Variants in MAGI2 observed in about 807,000 individuals in gnomAD.
MAGI2 encodes membrane-associated guanylate kinase, WW and PDZ domain-containing protein 2.
Under a neutral mutation model 133.3 loss-of-function variants are expected in MAGI2, and 35 were observed. The observed-to-expected ratio is 0.26, with a 90% CI of 0.20 to 0.35. The LOEUF (loss-of-function observed/expected upper bound fraction) is 0.35, where lower values mean the gene tolerates loss of function less well. Among genes scored for constraint, MAGI2 ranks in the 10% least tolerant of loss-of-function variants. The pLI, the probability that MAGI2 is intolerant of heterozygous loss-of-function variation, is 1.00. For synonymous variants in MAGI2, 729 were observed against 710.6 expected, an observed-to-expected ratio of 1.03 and a Z score of -0.41; for missense variants, 1,636 against 1,863.4, an observed-to-expected ratio of 0.88 and a Z score of 2.25.
At chr7:78,443,637 A>G (rs1279577565) in intron 6 of MAGI2, among the ~76,000 whole-genome samples, 2 of 152,090 alleles carry the variant, frequency 1.3e-5, no homozygotes. Flanking sequence ...TCTCTTTTCT[A>G]GAGGAAAATC....
At chr7:78,953,456 A>G (rs1362912544) in intron 2 of MAGI2, among the ~76,000 whole-genome samples, 1 of 152,132 alleles carries the variant, frequency 6.6e-6, no homozygotes, top group African/African-American at 2.4e-5. Context: ...TGTATGAAAT[A>G]GAGTTAAATG....
chr7:78,170,581 A>G (rs1366021539), intron 14 of MAGI2: 1 of 152,206 alleles, frequency 6.6e-6, no homozygotes, highest in Non-Finnish European at 1.5e-5. Flanking sequence ...AATCATAAAT[A>G]TAATAAATGT....
chr7:78,227,051 T>G (rs1227370510), intron 10 of MAGI2, among the ~76,000 whole-genome samples: 1 of 152,242 alleles, frequency 6.6e-6, no homozygotes, highest in African/African-American at 2.4e-5. Context: ...AAGAAAAGTT[T>G]AGGGCATAAA....
Position 78,042,527 on chromosome 7 carries a change from G to A in MAGI2, c.3707-22551C>T, listed in dbSNP as rs142326908. On this transcript the variant is annotated intron_variant, in intron 21 of 21. Transcript: ENST00000354212. ...TAAGTCTGGCCTGTGAAGTCAAACT[G>A]CCCAGCTTCTAGTCCTTGATCGTGC... 3.3e-3 allele frequency among the ~76,000 whole-genome samples: 510 copies of A among 152,252 alleles called. 3 individuals carry two copies. Among genetic ancestry groups the A allele is most frequent in the African/African-American group, 0.012 (491 of 41,542 alleles).
At position 78,767,965 on chromosome 7, in the gene MAGI2, T is replaced by G. The variant is rs543579392; in HGVS notation, c.419-140726A>C. On this transcript the variant is annotated intron_variant, in intron 2 of 21. Transcript: ENST00000354212. Reference sequence around the variant, plus strand: ...CTGCGAAAATTTTGTTATTTCTGGATGTTCTCATTTCTCCCTTGATGGTTT... The same window carrying G: ...CTGCGAAAATTTTGTTATTTCTGGAGGTTCTCATTTCTCCCTTGATGGTTT... Among the ~76,000 whole-genome samples the G allele has an allele frequency of 7.9e-5, 12 of 152,360 alleles. No homozygotes were observed. In the South Asian group the frequency reaches 2.3e-3, roughly 29 times the overall value.
chr7:78,056,675 G>A (rs183131046), intron 21 of MAGI2, among the ~76,000 whole-genome samples: 4 of 152,084 alleles, frequency 2.6e-5, no homozygotes, highest in Non-Finnish European at 5.9e-5. Flanking sequence ...TCAGGGCTTG[G>A]GGGGAAGGAG....
chr7:78,690,101 GA>G (rs1172871738), intron 2 of MAGI2, among the ~76,000 whole-genome samples: 3 of 151,806 alleles, frequency 2.0e-5, no homozygotes, highest in Admixed American at 6.6e-5. Flanking sequence ...CATTTTCTTA[GA>G]AAAAAATCCC....
intron 9 of MAGI2, among the ~76,000 whole-genome samples, chr7:78,309,157 T>A (rs1223801018): frequency 6.6e-6 from 1 of 152,172 alleles, no homozygotes; most frequent in African/African-American, 2.4e-5. Context: ...AAAACAGAGC[T>A]ACTATTTGAC....
At chr7:78,523,021 G>A (rs1361971568) in intron 3 of MAGI2, among the ~76,000 whole-genome samples, 1 of 152,086 alleles carries the variant, frequency 6.6e-6, no homozygotes, top group African/African-American at 2.4e-5. Flanking sequence ...ATAGGAGAAA[G>A]CACTGCAATG....
At position 79,213,347 on chromosome 7, in the gene MAGI2, CACAT is replaced by C. The variant is rs1354292342; in HGVS notation, c.302-206145_302-206142del. On this transcript the variant is annotated intron_variant, in intron 1 of 21. Transcript: ENST00000354212. The stretch of plus-strand genomic sequence containing the variant: ...ACGTACACACACACACACACACACA[CACAT>C]ATATTTTTTCTTTTTTGAGATGGAG... 2.4e-3 allele frequency among the ~76,000 whole-genome samples: 348 copies of C among 147,150 alleles called. 9 individuals are homozygous for C. The highest frequency in any genetic ancestry group is 9.1e-3 in the African/African-American group (335 of 36,982).
chr7:78,444,450 C>T (rs1352935862), intron 6 of MAGI2, among the ~76,000 whole-genome samples: 1 of 151,980 alleles, frequency 6.6e-6, no homozygotes, highest in Non-Finnish European at 1.5e-5. Flanking sequence ...CACACTCATA[C>T]CCAGCAATCT....
intron 2 of MAGI2, among the ~76,000 whole-genome samples, chr7:78,704,479 T>C (rs144803817): frequency 1.3e-5 from 2 of 152,208 alleles, no homozygotes; most frequent in African/African-American, 2.4e-5. Flanking sequence ...AAGGGTAAAA[T>C]AGTTCAAGCA....
chr7:79,048,864 T>C (rs984439451), intron 1 of MAGI2, among the ~76,000 whole-genome samples: 5 of 152,198 alleles, frequency 3.3e-5, no homozygotes, highest in Non-Finnish European at 5.9e-5. Flanking sequence ...GGTGCATGCC[T>C]GTAATCCCAG....
intron 6 of MAGI2, among the ~76,000 whole-genome samples, chr7:78,460,511 C>T (rs903574421): frequency 3.3e-5 from 5 of 152,162 alleles, no homozygotes; most frequent in Non-Finnish European, 4.4e-5. Flanking sequence ...TATACACACA[C>T]GGTATGGCAG....
At chr7:79,199,484 A>G (rs1205189020) in intron 1 of MAGI2, among the ~76,000 whole-genome samples, 1 of 152,028 alleles carries the variant, frequency 6.6e-6, no homozygotes, top group African/African-American at 2.4e-5. Flanking sequence ...GCACAGAGAG[A>G]TTATGCAACT....
intron 1 of MAGI2, chr7:79,125,724 G>A (rs1347164145): frequency 1.9e-6 from 1 of 525,154 alleles, no homozygotes; most frequent in African/African-American, 1.9e-5. Context: ...TGGCCCCTAT[G>A]ATGGCCAAGG....
chr7:78,776,173 T>G (rs554772274), intron 2 of MAGI2, among the ~76,000 whole-genome samples: 2 of 152,378 alleles, frequency 1.3e-5, no homozygotes, highest in African/African-American at 4.8e-5. Flanking sequence ...TTAATTATTA[T>G]TTTATTACCA....
rs570757586 is a variant in MAGI2 at position 78,664,467 on chromosome 7, C to CT, written c.419-37229dup. On this transcript the variant is annotated intron_variant, in intron 2 of 21. Transcript: ENST00000354212. ...ACTTCCATTTTCGTTGATTATGTAT[C>CT]TTTTTTTAGATCTTAATCAGTAATT... is the stretch of plus-strand genomic sequence containing the variant. 2.1e-3 allele frequency among the ~76,000 whole-genome samples: 317 copies of CT among 151,878 alleles called. 2 individuals are homozygous for CT. Among genetic ancestry groups the CT allele is most frequent in the African/African-American group, 7.0e-3 (290 of 41,472 alleles).
chr7:78,864,322 C>T (rs1794381691), intron 2 of MAGI2, among the ~76,000 whole-genome samples: 1 of 152,166 alleles, frequency 6.6e-6, no homozygotes, highest in Non-Finnish European at 1.5e-5. Flanking sequence ...TTCACTTACA[C>T]GTATACCATT....
Sources: gnomAD v4.1 joint callset for allele counts (sites outside exome capture counted in the v4.1 genomes callset) on GRCh38, gnomAD v4.1.1 for gene constraint, MANE v1.5 for transcripts, NCBI Gene and HGNC (gene_info 2026-07-23, HGNC 2026-07-21) for gene names.